The following STX6 variants were observed in gnomAD, a reference collection of about 807,000 sequenced individuals.
The protein encoded by STX6 is syntaxin-6.
STX6 carries 23 observed loss-of-function variants against 38.0 expected under a neutral mutation model. The observed-to-expected ratio is 0.60, with a 90% confidence interval of 0.43 to 0.86. The LOEUF (loss-of-function observed/expected upper bound fraction) is 0.86. STX6 is among the 40% of genes least tolerant of loss of function. The pLI is 0.00. For synonymous variants in STX6, 123 were observed against 107.5 expected (o/e 1.14, Z -0.89); for missense variants, 274 against 312.9 (o/e 0.88, Z 0.94).
Position 180,975,736 on chromosome 1 carries a change from A to G in STX6, c.*834T>C, listed in dbSNP as rs1291166964. On this transcript the variant is annotated 3_prime_UTR_variant, in exon 8 of 8. Transcript: ENST00000258301. The stretch of plus-strand genomic sequence containing the variant: ...AACAACATATGTAGCAATCACCCTC[A>G]AAACGCAAGCTGCACCTCTGGGGAG... 1 of 152,246 alleles carries G rather than the reference A, an allele frequency of 6.6e-6. No individual in the cohort carries two copies. Among genetic ancestry groups the G allele is most frequent in the Non-Finnish European group, 1.5e-5 (1 of 68,058 alleles). The allele number at this position is 152,246 out of a possible 1,614,324, so 9.4% of individuals were successfully genotyped here. A position where few individuals can be genotyped will look rare whatever the true frequency, so the allele number is the denominator to read the frequency against.
Position 181,004,966 on chromosome 1 carries a change from GT to G in STX6, c.205+327del, listed in dbSNP as rs1344719680. Among the ~76,000 whole-genome samples, 370 of 142,724 alleles carry G rather than the reference GT, an allele frequency of 2.6e-3. 1 individual carries two copies. Among genetic ancestry groups the G allele is most frequent in the African/African-American group, 7.4e-3 (291 of 39,144 alleles). The allele number at this position is 142,724 out of a possible 152,430, so 93.6% of individuals were successfully genotyped here. ...GACTTAAAAAAAAAAGAAAAAAAGG[GT>G]TTTTTTTTTTTCCCTTTACATTGGT... On this transcript the variant is annotated intron_variant, in intron 2 of 7. Coordinates refer to ENST00000258301, the MANE Select transcript of STX6 (RefSeq NM_005819.6).
At chr1:180,998,478 T>C (rs756221640) in intron 3 of STX6, among the ~76,000 whole-genome samples, 31 of 152,162 alleles carry the variant, frequency 2.0e-4, no homozygotes, top group Admixed American at 5.2e-4. Context: ...TGTCTCCGGT[T>C]CAAACAATTC....
chr1:181,005,515 C>G, intron 1 of STX6, 52 bp from the exon 2 acceptor site: 2 of 1,557,104 alleles, frequency 1.3e-6, no homozygotes, highest in South Asian at 1.2e-5. Context: ...ATTCCATGGT[C>G]AAGTTACTGC....
At chr1:181,017,788 T>C (rs1267340960) in intron 1 of STX6, among the ~76,000 whole-genome samples, 1 of 152,080 alleles carries the variant, frequency 6.6e-6, no homozygotes, top group Non-Finnish European at 1.5e-5. Flanking sequence ...ATCAAGGGAA[T>C]TGGGTCCCTC....
intron 1 of STX6, among the ~76,000 whole-genome samples, chr1:181,013,487 T>A (rs2102331435): frequency 6.6e-6 from 1 of 152,308 alleles, no homozygotes; most frequent in South Asian, 2.1e-4. Flanking sequence ...CCAAGCTAAT[T>A]TTTTTTATTT....
intron 7 of STX6, among the ~76,000 whole-genome samples, chr1:180,983,790 C>A (rs977226445): frequency 6.6e-6 from 1 of 152,174 alleles, no homozygotes; most frequent in African/African-American, 2.4e-5. Context: ...CTGGGCTGGG[C>A]GCGGTGGCTC....
intron 6 of STX6, among the ~76,000 whole-genome samples, chr1:180,985,183 T>C (rs546927994): frequency 2.5e-4 from 38 of 152,282 alleles, no homozygotes; most frequent in Non-Finnish European, 4.6e-4. Context: ...GCTTCCTAGA[T>C]TTCAGAACTG....
At chr1:181,016,970 G>A (rs535964382) in intron 1 of STX6, among the ~76,000 whole-genome samples, 1 of 152,162 alleles carries the variant, frequency 6.6e-6, no homozygotes, top group East Asian at 1.9e-4. Context: ...TACTCGGGAG[G>A]CAGAGGCAGG....
chr1:181,011,763 T>C (rs765143279), intron 1 of STX6, among the ~76,000 whole-genome samples: 5 of 152,346 alleles, frequency 3.3e-5, no homozygotes, highest in Non-Finnish European at 7.4e-5. Flanking sequence ...TCAGTATCAG[T>C]TGGCTAGTGA....
intron 1 of STX6, among the ~76,000 whole-genome samples, chr1:181,009,807 C>A (rs574791520): frequency 1.3e-5 from 2 of 152,212 alleles, no homozygotes; most frequent in African/African-American, 4.8e-5. Flanking sequence ...GTTCACACAG[C>A]CAAAAATTGT....
intron 1 of STX6, among the ~76,000 whole-genome samples, chr1:181,008,674 T>TA (rs1656300148): frequency 6.6e-6 from 1 of 151,498 alleles, no homozygotes; most frequent in Admixed American, 6.6e-5. Flanking sequence ...CAGAAAAACT[T>TA]AAGTGTTGGA....
At position 180,988,220 on chromosome 1, in the gene STX6, G is replaced by C. The variant is rs765644496; in HGVS notation, c.596+19C>G. On this transcript the variant is annotated intron_variant, in intron 6 of 7. Coordinates refer to ENST00000258301, the MANE Select transcript of STX6 (RefSeq NM_005819.6). ...GCCCCTCAATTTCACTGAAGCGAGAGGGGTGTCTCAATACTCACACTGCCT... is the reference window on the plus strand; with the variant it reads ...GCCCCTCAATTTCACTGAAGCGAGACGGGTGTCTCAATACTCACACTGCCT... The C allele has an allele frequency of 3.2e-6, 5 of 1,587,002 alleles. No individual in the cohort carries two copies. In the South Asian group the frequency reaches 4.4e-5, roughly 14 times the overall value.
In STX6 at chr1:181,005,462, CT is replaced by C. The variant is rs776732013; in HGVS notation, c.36del (p.Glu13ArgfsTer38). The stretch of plus-strand genomic sequence containing the variant: ...GCAGTGTTGACTGCTTTCTGTACCT[CT>C]CTGTAATCAAGATGAGGCAAAGGAG... ...SMEDPFFVVK[G>X]EVQKAVNTAQ... On this transcript the variant is annotated frameshift_variant and splice_region_variant, in exon 2 of 8. Transcript: ENST00000258301. LOFTEE classifies it high-confidence loss of function. 3 of 1,611,684 alleles carry C rather than the reference CT, an allele frequency of 1.9e-6. No individual in the cohort carries two copies. In the Admixed American group the frequency reaches 5.0e-5, roughly 27 times the overall value.
At chr1:181,007,729 C>T (rs577894449) in intron 1 of STX6, among the ~76,000 whole-genome samples, 1 of 152,276 alleles carries the variant, frequency 6.6e-6, no homozygotes, top group East Asian at 1.9e-4. Flanking sequence ...TTCAAAATTA[C>T]TGAAGACCCC....
chr1:180,980,544 A>ATT (rs1558086226), intron 7 of STX6: 20 of 44,850 alleles, frequency 4.5e-4, no homozygotes, highest in Non-Finnish European at 7.3e-4. Flanking sequence ...AAAAACCTGC[A>ATT]CTTTTTTTTT....
chr1:180,984,202 G>A (rs1655504125), intron 7 of STX6, among the ~76,000 whole-genome samples: 2 of 149,052 alleles, frequency 1.3e-5, no homozygotes, highest in Admixed American at 1.4e-4. Flanking sequence ...GCACATACAA[G>A]TCTTCCATTC....
chr1:180,983,562 A>G (rs1034731006), intron 7 of STX6, among the ~76,000 whole-genome samples: 5 of 152,240 alleles, frequency 3.3e-5, no homozygotes, highest in Non-Finnish European at 7.3e-5. Flanking sequence ...ATTTGCTGAA[A>G]TATTTCAGTA....
intron 1 of STX6, among the ~76,000 whole-genome samples, chr1:181,015,682 T>C (rs1036185001): frequency 6.6e-6 from 1 of 152,104 alleles, no homozygotes; most frequent in African/African-American, 2.4e-5. Context: ...TTTTTTTTTT[T>C]TTTGAGAGGG....
chr1:181,003,304 G>A (rs1034927258), intron 2 of STX6, among the ~76,000 whole-genome samples: 2 of 152,128 alleles, frequency 1.3e-5, no homozygotes, highest in Non-Finnish European at 2.9e-5. Flanking sequence ...TCAAAGTTCT[G>A]TGAGGGCTGG....
Sources: allele counts gnomAD v4.1 joint callset (sites outside exome capture counted in the v4.1 genomes callset), GRCh38; gene constraint gnomAD v4.1.1; transcripts MANE v1.5; gene names NCBI Gene and HGNC (gene_info 2026-07-23, HGNC 2026-07-21).